The following URGCP variants were observed in gnomAD, a reference collection of about 807,000 sequenced individuals.
URGCP encodes the protein up-regulator of cell proliferation.
A neutral mutation model predicts 24.6 loss-of-function variants in URGCP; 13 were observed. That is an observed-to-expected ratio of 0.53 (90% CI 0.34 to 0.84). The LOEUF (loss-of-function observed/expected upper bound fraction) is 0.84, where lower values mean the gene tolerates loss of function less well. URGCP is among the 40% of genes least tolerant of loss of function. URGCP has a pLI of 0.01. For synonymous variants in URGCP, 444 were observed against 487.2 expected (o/e 0.91, Z 1.17); for missense variants, 899 against 1,194.3 (o/e 0.75, Z 3.64).
At chr7:43,915,573 C>A (rs2095914606) in intron 1 of URGCP, among the ~76,000 whole-genome samples, 1 of 152,224 alleles carries the variant, frequency 6.6e-6, no homozygotes, top group Non-Finnish European at 1.5e-5. Context: ...GCTCCCTGCC[C>A]CTCCCAGCTG....
In URGCP at chr7:43,879,066, T is replaced by C. The variant is rs774302038; in HGVS notation, c.397A>G (p.Thr133Ala). The C allele has an allele frequency of 1.1e-5, 17 of 1,614,032 alleles. No homozygotes were observed. In the East Asian group the frequency reaches 2.9e-4, roughly 27 times the overall value. The change falls in exon 6 of 6, where the codon ACT (threonine) becomes GCT (alanine). Residue 133 changes from threonine to alanine, a missense_variant. Transcript: ENST00000453200. ...TCTGGGAGCACGTCCAGCACCATAG[T>C]GGTATTCCTGGCATCAGCATTGAGG... ...QALNADARNT[T>A]MVLDVLPDAR...
chr7:43,883,736 T>C (rs1296946178), intron 3 of URGCP, among the ~76,000 whole-genome samples: 1 of 152,288 alleles, frequency 6.6e-6, no homozygotes, highest in East Asian at 1.9e-4. Context: ...ATGATTTCCA[T>C]GTAATCAGGT....
At chr7:43,896,220 C>T (rs1300267478) in intron 1 of URGCP, among the ~76,000 whole-genome samples, 1 of 152,034 alleles carries the variant, frequency 6.6e-6, no homozygotes, top group Non-Finnish European at 1.5e-5. Flanking sequence ...TACAAAATTA[C>T]ACCAGGTGCG....
chr7:43,895,778 T>C (rs2095877452), intron 1 of URGCP, among the ~76,000 whole-genome samples: 1 of 152,222 alleles, frequency 6.6e-6, no homozygotes, highest in Non-Finnish European at 1.5e-5. Flanking sequence ...GGAAAACCTT[T>C]ATGGAGGTTT....
At chr7:43,924,739 G>C (rs1562592984) in intron 1 of URGCP, among the ~76,000 whole-genome samples, 1 of 152,126 alleles carries the variant, frequency 6.6e-6, no homozygotes, top group Non-Finnish European at 1.5e-5. Flanking sequence ...GTGGGCTGGA[G>C]GTAGGAAGGA....
At chr7:43,883,362 ATTTTTT>A (rs34217938) in intron 3 of URGCP, among the ~76,000 whole-genome samples, 1 of 88,324 alleles carries the variant, frequency 1.1e-5, no homozygotes, top group Non-Finnish European at 2.0e-5. Context: ...ATATATATAT[ATTTTTT>A]TTTTTTTTTT....
chr7:43,910,029 G>A (rs2095908285), upstream of URGCP, among the ~76,000 whole-genome samples: 1 of 152,084 alleles, frequency 6.6e-6, no homozygotes, highest in African/African-American at 2.4e-5. Context: ...GGCAACAAGA[G>A]CCAAACTCTA....
chr7:43,921,022 T>C (rs1354328280), intron 1 of URGCP, among the ~76,000 whole-genome samples: 1 of 152,140 alleles, frequency 6.6e-6, no homozygotes, highest in Non-Finnish European at 1.5e-5. Flanking sequence ...TTGTGTGTGA[T>C]GTCTGTAAAA....
At chr7:43,919,323 C>T in intron 1 of URGCP, 1 of 832,778 alleles carries the variant, frequency 1.2e-6, no homozygotes, top group Non-Finnish European at 2.1e-6. Flanking sequence ...CAACACAGCC[C>T]TGAACCAGAT....
intron 3 of URGCP, among the ~76,000 whole-genome samples, chr7:43,885,791 T>C (rs1357139459): frequency 2.6e-5 from 4 of 152,230 alleles, no homozygotes; most frequent in African/African-American, 9.6e-5. Context: ...AAGTTCTCCA[T>C]CTGCAATGTC....
chr7:43,916,408 G>A (rs2095915499), intron 1 of URGCP, among the ~76,000 whole-genome samples: 1 of 152,116 alleles, frequency 6.6e-6, no homozygotes, highest in Non-Finnish European at 1.5e-5. Flanking sequence ...ATTCAGCTTG[G>A]TAAGGAGTCC....
chr7:43,877,374 T>A lies in URGCP; in HGVS notation c.2089A>T (p.Thr697Ser). 1 of 1,612,800 alleles carries A rather than the reference T, an allele frequency of 6.2e-7. No individual in the cohort carries two copies. Among genetic ancestry groups the A allele is most frequent in the Non-Finnish European group, 8.5e-7 (1 of 1,179,980 alleles). ...ERRSRLVVLSTVGVPGTGKST... is the reference protein window; with the variant it reads ...ERRSRLVVLSSVGVPGTGKST... ...TTGCCCGTGCCTGGCACCCCGACGGTTGACAGAACCACCAGCCTTGACCGT... is the reference window on the plus strand; with the variant it reads ...TTGCCCGTGCCTGGCACCCCGACGGATGACAGAACCACCAGCCTTGACCGT... The change falls in exon 6 of 6, where the codon ACC (threonine) becomes TCC (serine). Residue 697 changes from threonine to serine, a missense_variant. Physicochemically the swap from Thr to Ser is moderately conservative, Grantham distance 58. Transcript: ENST00000453200.
At chr7:43,923,775 G>A (rs1317276523) in intron 1 of URGCP, among the ~76,000 whole-genome samples, 1 of 152,118 alleles carries the variant, frequency 6.6e-6, no homozygotes, top group Non-Finnish European at 1.5e-5. Context: ...CGCATTCTGT[G>A]TGTTGTCTTT....
chr7:43,907,934 T>C (rs2095905942), upstream of URGCP, among the ~76,000 whole-genome samples: 2 of 152,164 alleles, frequency 1.3e-5, no homozygotes, highest in Admixed American at 1.3e-4. Context: ...TGGGAGCTGA[T>C]AGGTAAAGCC....
chr7:43,906,512 C>T, intron 1 of URGCP, 50 bp downstream of exon 1: 1 of 1,190,408 alleles, frequency 8.4e-7, no homozygotes, highest in South Asian at 3.0e-5. Context: ...GTCCCGCTCC[C>T]GTTCCTGCCG....
chr7:43,905,750 C>T (rs2095900749), intron 1 of URGCP: 1 of 152,106 alleles, frequency 6.6e-6, no homozygotes, highest in Non-Finnish European at 1.5e-5. Flanking sequence ...TAATTTCTTT[C>T]TTTGTAAAAT....
In URGCP at chr7:43,877,429, G is replaced by C. The variant is rs1050553008; in HGVS notation, c.2034C>G (p.Leu678=). 4.3e-6 allele frequency: 7 copies of C among 1,613,398 alleles called. No individual in the cohort carries two copies. The African/African-American group carries it at 5.3e-5, about 12-fold the overall frequency. Residue 678 remains leucine (L), a synonymous_variant, in exon 6 of 6, where the codon CTC becomes CTG. Coordinates refer to ENST00000453200, the MANE Select transcript of URGCP (RefSeq NM_001077663.3). ...LSMPVRWVTG[L]LKELHVRLER... ...CCAGTCGGACGTGCAGCTCCTTCAG[G>C]AGCCCTGTGACCCAGCGGACGGGCA...
At chr7:43,910,007 C>T (rs187228996), upstream of URGCP, among the ~76,000 whole-genome samples, 19 of 152,312 alleles carry the variant, frequency 1.2e-4, no homozygotes, top group East Asian at 3.3e-3. Context: ...CGTGCCATTG[C>T]ACTCCAGCCT....
At chr7:43,882,398 T>C (rs2095855282) in intron 3 of URGCP, among the ~76,000 whole-genome samples, 1 of 152,164 alleles carries the variant, frequency 6.6e-6, no homozygotes, top group Non-Finnish European at 1.5e-5. Flanking sequence ...TGCAGTGAGC[T>C]GAGATCATGC....
Sources: allele counts gnomAD v4.1 joint callset (sites outside exome capture counted in the v4.1 genomes callset), GRCh38; gene constraint gnomAD v4.1.1; transcripts MANE v1.5; gene names NCBI Gene and HGNC (gene_info 2026-07-23, HGNC 2026-07-21).